Variants in VRK1 observed in about 807,000 individuals in gnomAD.
VRK1 encodes VRK serine/threonine kinase 1, also known as serine/threonine-protein kinase VRK1.
In VRK1, 33 loss-of-function variants were observed where a neutral mutation model predicts 57.1. That is an observed-to-expected ratio of 0.58 (90% CI 0.44 to 0.77). The LOEUF (loss-of-function observed/expected upper bound fraction) is 0.77. VRK1 is among the 30% of genes least tolerant of loss of function. The pLI is 0.00. For synonymous variants in VRK1, 137 were observed against 147.8 expected (o/e 0.93, Z 0.53); for missense variants, 413 against 477.3 (o/e 0.87, Z 1.25).
intron 1 of VRK1, among the ~76,000 whole-genome samples, chr14:96,799,856 C>G (rs1010048253): frequency 2.0e-5 from 3 of 152,010 alleles, no homozygotes; most frequent in Non-Finnish European, 4.4e-5. Flanking sequence ...CACGTGCCCC[C>G]TATTTACAAG....
At chr14:96,879,023 G>A (rs999387826) in intron 12 of VRK1, among the ~76,000 whole-genome samples, 11 of 152,054 alleles carry the variant, frequency 7.2e-5, no homozygotes, top group African/African-American at 2.4e-4. Context: ...AATCTTTGGA[G>A]AAAGCATGAC....
At chr14:96,821,204 C>A (rs1886582776) in intron 1 of VRK1, among the ~76,000 whole-genome samples, 1 of 152,110 alleles carries the variant, frequency 6.6e-6, no homozygotes, top group African/African-American at 2.4e-5. Context: ...GAATTTCCAG[C>A]CCCTAGCACA....
chr14:96,803,481 T>C (rs564763950), intron 1 of VRK1, among the ~76,000 whole-genome samples: 13 of 152,234 alleles, frequency 8.5e-5, no homozygotes, highest in South Asian at 6.2e-4. Context: ...CGCTGACATA[T>C]TGTTATAATT....
At chr14:96,846,680 CAG>C (rs766865955) in intron 4 of VRK1, among the ~76,000 whole-genome samples, 155 of 150,536 alleles carry the variant, frequency 1.0e-3, no homozygotes, top group Admixed American at 3.0e-3. Context: ...TCCACATCCT[CAG>C]ACTCAACCAA....
At chr14:96,877,087 T>C (rs1370206995) in intron 12 of VRK1, among the ~76,000 whole-genome samples, 1 of 151,978 alleles carries the variant, frequency 6.6e-6, no homozygotes, top group African/African-American at 2.4e-5. Flanking sequence ...TTTTGAATTA[T>C]TATTTTGTTT....
chr14:96,869,500 G>A (rs563329972), intron 11 of VRK1, among the ~76,000 whole-genome samples: 3 of 152,278 alleles, frequency 2.0e-5, no homozygotes, highest in South Asian at 2.1e-4. Flanking sequence ...AATAGTAAAC[G>A]ATTATGAATT....
chr14:96,841,215 A>G (rs960331331), intron 3 of VRK1, among the ~76,000 whole-genome samples: 1 of 152,038 alleles, frequency 6.6e-6, no homozygotes, highest in African/African-American at 2.4e-5. Flanking sequence ...GTAATTAGAA[A>G]TATTTCTGTT....
intron 1 of VRK1, among the ~76,000 whole-genome samples, chr14:96,828,610 TG>T (rs1219305925): frequency 2.6e-5 from 4 of 152,190 alleles, no homozygotes; most frequent in African/African-American, 9.6e-5. Flanking sequence ...ATATCAGTCT[TG>T]TTCCTAAATA....
intron 1 of VRK1, among the ~76,000 whole-genome samples, chr14:96,826,224 T>G (rs1208225233): frequency 6.6e-6 from 1 of 152,232 alleles, no homozygotes; most frequent in Non-Finnish European, 1.5e-5. Context: ...AGAGGACCAT[T>G]TTATCATCAG....
At chr14:96,849,351 T>C (rs1371488641) in intron 5 of VRK1, among the ~76,000 whole-genome samples, 4 of 152,112 alleles carry the variant, frequency 2.6e-5, no homozygotes, top group Non-Finnish European at 4.4e-5. Context: ...CCACATTTCA[T>C]AGAGATGATT....
intron 9 of VRK1, 44 bp from the exon 10 acceptor site, chr14:96,856,484 A>G (rs781672673): frequency 9.9e-6 from 15 of 1,522,256 alleles, no homozygotes; most frequent in East Asian, 2.3e-5. Context: ...TCATATTAAC[A>G]TATGACATCA....
At chr14:96,821,417 G>C (rs1886591477) in intron 1 of VRK1, among the ~76,000 whole-genome samples, 1 of 151,874 alleles carries the variant, frequency 6.6e-6, no homozygotes, top group Non-Finnish European at 1.5e-5. Context: ...TTTTGAGGGG[G>C]AGGGCAGCTT....
intron 1 of VRK1, among the ~76,000 whole-genome samples, chr14:96,814,155 G>C (rs958931859): frequency 1.3e-5 from 2 of 152,120 alleles, no homozygotes; most frequent in African/African-American, 4.8e-5. Context: ...AAAAATAAGT[G>C]ATCATATTAA....
chr14:96,827,740 T>C (rs1179649281), intron 1 of VRK1, among the ~76,000 whole-genome samples: 2 of 152,238 alleles, frequency 1.3e-5, no homozygotes, highest in Admixed American at 1.3e-4. Context: ...ATTTTTTATT[T>C]ATGTTACATT....
chr14:96,858,915 ACACT>A (rs1284347639), intron 10 of VRK1: 1 of 152,166 alleles, frequency 6.6e-6, no homozygotes, highest in Admixed American at 6.6e-5. Context: ...AGTTACACAC[ACACT>A]CACCCACCTC....
At chr14:96,797,639 C>T (rs924995247) in intron 1 of VRK1, among the ~76,000 whole-genome samples, 192 bp downstream of exon 1, 16 of 152,094 alleles carry the variant, frequency 1.1e-4, no homozygotes, top group Admixed American at 4.6e-4. Flanking sequence ...CCTGCGCGGG[C>T]GTCCGCTCCT....
rs1450087991 is a variant in VRK1, at chr14:96,833,103, T to A, written c.-5-364T>A. Among the ~76,000 whole-genome samples, 11 of 152,302 alleles carry A rather than the reference T, an allele frequency of 7.2e-5. No individual in the cohort carries two copies. In the East Asian group the frequency reaches 2.1e-3, roughly 29 times the overall value. ...ATCGGTATTGACCTTAATAAACTCT[T>A]CATTTTGTTCCTATAAAATGTGCAT... On this transcript the variant is annotated intron_variant, in intron 1 of 12. Coordinates refer to ENST00000216639, the MANE Select transcript of VRK1 (RefSeq NM_003384.3).
intron 1 of VRK1, among the ~76,000 whole-genome samples, chr14:96,815,434 T>TA (rs981977101): frequency 6.6e-6 from 1 of 152,102 alleles, no homozygotes; most frequent in Non-Finnish European, 1.5e-5. Context: ...GGAAAAATAA[T>TA]AAAGACGGAG....
intron 7 of VRK1, among the ~76,000 whole-genome samples, chr14:96,853,393 C>A (rs1211227422): frequency 6.6e-6 from 1 of 152,034 alleles, no homozygotes; most frequent in African/African-American, 2.4e-5. Flanking sequence ...AGAAGAAGTG[C>A]TTGTGATACA....
Sources: gnomAD v4.1 joint callset for allele counts (sites outside exome capture counted in the v4.1 genomes callset) on GRCh38, gnomAD v4.1.1 for gene constraint, MANE v1.5 for transcripts, NCBI Gene and HGNC (gene_info 2026-07-23, HGNC 2026-07-21) for gene names.